The following NPFFR1 variants were observed in gnomAD, a reference collection of about 807,000 sequenced individuals.
NPFFR1 encodes G-protein coupled receptor 147.
A neutral mutation model predicts 12.7 loss-of-function variants in NPFFR1; 17 were observed. That is an observed-to-expected ratio of 1.34 (90% CI 0.92 to 2.01). The LOEUF (loss-of-function observed/expected upper bound fraction) is 2.01, where lower values mean the gene tolerates loss of function less well. Among genes scored for constraint, NPFFR1 ranks in the 30% most tolerant of loss-of-function variants. The probability of loss-of-function intolerance (pLI) is 0.00; values close to 1 mark genes in which losing one functional copy is unlikely to be tolerated. For synonymous variants in NPFFR1, 296 were observed against 264.5 expected (o/e 1.12, Z -1.16); for missense variants, 604 against 606.5 (o/e 1.00, Z 0.04).
intron 1 of NPFFR1, among the ~76,000 whole-genome samples, chr10:70,274,511 T>C (rs1564597221): frequency 6.6e-6 from 1 of 152,082 alleles, no homozygotes. Flanking sequence ...GAGGAGAAGC[T>C]TGGGAACTTG....
intron 1 of NPFFR1, among the ~76,000 whole-genome samples, chr10:70,273,222 G>C (rs1840767767): frequency 6.6e-6 from 1 of 152,046 alleles, no homozygotes. Flanking sequence ...GCAGGGGATG[G>C]GGTTGTTCAG....
At chr10:70,269,086 T>A (rs999811850) in intron 1 of NPFFR1, among the ~76,000 whole-genome samples, 1 of 152,216 alleles carries the variant, frequency 6.6e-6, no homozygotes, top group Admixed American at 6.5e-5. Context: ...TGGATTTTTC[T>A]GATTGCTCCC....
chr10:70,266,993 C>G (rs1199963089), intron 1 of NPFFR1, among the ~76,000 whole-genome samples: 1 of 152,204 alleles, frequency 6.6e-6, no homozygotes, highest in Non-Finnish European at 1.5e-5. Flanking sequence ...GTTGTGAGTC[C>G]CTGGGTGCTT....
rs1840565753 is a variant in NPFFR1 at position 70,255,842 on chromosome 10, G to C, written c.423-15C>G. On this transcript the variant is annotated splice_polypyrimidine_tract_variant and intron_variant, in intron 3 of 3. Transcript: ENST00000277942. This position sits in a 1 kb window ranked among gnomAD's most constrained non-coding sequence, Gnocchi z 4.2. ...TGCAGCGGAACCTGCCGCGGGGAGA[G>C]AGACAGGCGGGATCTGGGTGGGTCC... is the stretch of plus-strand genomic sequence containing the variant. The C allele has an allele frequency of 6.3e-7, 1 of 1,597,014 alleles. No individual in the cohort carries two copies. Among genetic ancestry groups the C allele is most frequent in the Non-Finnish European group, 8.5e-7 (1 of 1,171,686 alleles).
chr10:70,271,427 C>T lies in NPFFR1; in HGVS notation c.8-5036G>A, dbSNP rs1463088376. On this transcript the variant is annotated intron_variant, in intron 1 of 3. Coordinates refer to ENST00000277942, the MANE Select transcript of NPFFR1 (RefSeq NM_022146.5). ...ACTCTGGAGGTTGAGGTGGGAGGATCGCTTGAGCCTGAGAAGTCAAGGCTG... is the reference window on the plus strand; with the variant it reads ...ACTCTGGAGGTTGAGGTGGGAGGATTGCTTGAGCCTGAGAAGTCAAGGCTG... 3.9e-5 allele frequency among the ~76,000 whole-genome samples: 6 copies of T among 152,042 alleles called. No homozygotes were observed. In the East Asian group the frequency reaches 7.7e-4, roughly 20 times the overall value.
In NPFFR1 at chr10:70,254,744, C is replaced by A. The variant is rs1230561027; in HGVS notation, c.*213G>T. On this transcript the variant is annotated 3_prime_UTR_variant, in exon 4 of 4. Coordinates refer to ENST00000277942, the MANE Select transcript of NPFFR1 (RefSeq NM_022146.5). ...GATGATGTTTGTCAAGCCCACCACA[C>A]AGGGCAAGTTGGTTCCTTCCCGTCC... 19 of 452,496 alleles carry A rather than the reference C, an allele frequency of 4.2e-5. No individual in the cohort carries two copies. The highest frequency in any genetic ancestry group is 6.6e-5 in the Non-Finnish European group (18 of 271,780). 28.0% of individuals were successfully genotyped at this position (452,496 alleles called of 1,614,324 possible). A position where few individuals can be genotyped will look rare whatever the true frequency, so the allele number is the denominator to read the frequency against.
chr10:70,261,038 T>C (rs1840628251), intron 2 of NPFFR1, among the ~76,000 whole-genome samples: 2 of 152,132 alleles, frequency 1.3e-5, no homozygotes, highest in African/African-American at 4.8e-5. Flanking sequence ...AACCTGTGTA[T>C]AGAAAAAGGC....
At chr10:70,261,359 A>G (rs528375453) in intron 2 of NPFFR1, among the ~76,000 whole-genome samples, 15 of 152,298 alleles carry the variant, frequency 9.8e-5, no homozygotes, top group African/African-American at 3.6e-4. Context: ...ATCCCTGCAG[A>G]ACTGTGAGTC....
At chr10:70,274,206 T>G (rs1462574150) in intron 1 of NPFFR1, among the ~76,000 whole-genome samples, 1 of 151,786 alleles carries the variant, frequency 6.6e-6, no homozygotes, top group Non-Finnish European at 1.5e-5. Context: ...TCCCAGCACT[T>G]TGGGAGATGG....
chr10:70,266,414 G>T (rs764242277), intron 1 of NPFFR1, 23 bp from the exon 2 acceptor site: 2 of 1,578,810 alleles, frequency 1.3e-6, no homozygotes, highest in Non-Finnish European at 1.7e-6. Flanking sequence ...GAATATATTG[G>T]TCAGGACCTT....
intron 1 of NPFFR1, among the ~76,000 whole-genome samples, chr10:70,278,144 A>G (rs1840823684): frequency 6.6e-6 from 1 of 151,950 alleles, no homozygotes; most frequent in Admixed American, 6.5e-5. Flanking sequence ...TCTTACTGCA[A>G]CCTTCCCTCA....
Position 70,253,543 on chromosome 10 carries a change from C to T in NPFFR1, c.*1414G>A, listed in dbSNP as rs1405634530. 1.3e-5 allele frequency: 2 copies of T among 152,164 alleles called. No individual in the cohort carries two copies. Among genetic ancestry groups the T allele is most frequent in the East Asian group, 3.9e-4 (2 of 5,190 alleles). 9.4% of individuals were successfully genotyped at this position (152,164 alleles called of 1,614,324 possible). On this transcript the variant is annotated 3_prime_UTR_variant, in exon 4 of 4. Coordinates refer to ENST00000277942, the MANE Select transcript of NPFFR1 (RefSeq NM_022146.5). The stretch of plus-strand genomic sequence containing the variant: ...GATTAAATGAGACGGTGTCTGGGGA[C>T]ATGCTTGGAGAATGTATTGTACAAC...
chr10:70,267,018 G>T (rs935201877), intron 1 of NPFFR1, among the ~76,000 whole-genome samples: 4 of 152,114 alleles, frequency 2.6e-5, no homozygotes, highest in Admixed American at 6.6e-5. Flanking sequence ...GTTTCTGGCT[G>T]GTTCTCTTAA....
At position 70,248,489 on chromosome 10, in the gene NPFFR1, T is replaced by TTTTTTTTTTTTTTTTTTG. The variant is rs1840477391; in HGVS notation, c.*6467_*6468insCAAAAAAAAAAAAAAAAA. Reference sequence around the variant, plus strand: ...GGCGTTTTTTTTTTGTTTTTTGTTTTTTTTTTTTTTTTTTGAGATGGAGTC... The same window carrying TTTTTTTTTTTTTTTTTTG: ...GGCGTTTTTTTTTTGTTTTTTGTTTTTTTTTTTTTTTTTTTTTGTTTTTTTTTTTTTTGAGATGGAGTC... On this transcript the variant is annotated 3_prime_UTR_variant, in exon 4 of 4. Transcript: ENST00000277942. 3 of 113,878 alleles carry TTTTTTTTTTTTTTTTTTG rather than the reference T, an allele frequency of 2.6e-5. No individual in the cohort carries two copies. Among genetic ancestry groups the TTTTTTTTTTTTTTTTTTG allele is most frequent in the South Asian group, 3.2e-4 (1 of 3,174 alleles). 7.1% of individuals were successfully genotyped at this position (113,878 alleles called of 1,614,324 possible).
At chr10:70,257,478 T>C (rs1251654038) in intron 3 of NPFFR1, among the ~76,000 whole-genome samples, 1 of 152,244 alleles carries the variant, frequency 6.6e-6, no homozygotes, top group Non-Finnish European at 1.5e-5. Flanking sequence ...GTCATCGCCA[T>C]TCTCTAGTGT....
In NPFFR1 at chr10:70,255,902, G is replaced by C. The variant is rs1589908930; in HGVS notation, c.423-75C>G. The C allele has an allele frequency of 6.8e-7, 1 of 1,463,298 alleles. No homozygotes were observed. The highest frequency in any genetic ancestry group is 9.2e-7 in the Non-Finnish European group (1 of 1,084,994). The allele number at this position is 1,463,298 out of a possible 1,614,324, so 90.6% of individuals were successfully genotyped here. On this transcript the variant is annotated intron_variant, in intron 3 of 3. Transcript: ENST00000277942. The surrounding 1 kb of genome is among the most constrained non-coding windows in gnomAD (Gnocchi z 4.2). ...TGCGAGGGGACGGTGGGTGGGATGC[G>C]GGCACCTGACCTTCATCATCGCATC...
chr10:70,266,065 G>T lies in NPFFR1; in HGVS notation c.322+12C>A. On this transcript the variant is annotated intron_variant, in intron 2 of 3. Coordinates refer to ENST00000277942, the MANE Select transcript of NPFFR1 (RefSeq NM_022146.5). ...GTAGGGGACACTCCTGCTGCCAACTGCCCGCACTCACCAGTGATGAGGTTG... is the reference window on the plus strand; with the variant it reads ...GTAGGGGACACTCCTGCTGCCAACTTCCCGCACTCACCAGTGATGAGGTTG... 1 of 1,611,144 alleles carries T rather than the reference G, an allele frequency of 6.2e-7. No individual in the cohort carries two copies. The highest frequency in any genetic ancestry group is 8.5e-7 in the Non-Finnish European group (1 of 1,178,144).
intron 2 of NPFFR1, 94 bp downstream of exon 2, chr10:70,265,983 T>G (rs1840684901): frequency 9.8e-6 from 12 of 1,220,554 alleles, no homozygotes; most frequent in African/African-American, 1.5e-5. Context: ...AGCCCAGCAA[T>G]GATATCTGTC....
At chr10:70,261,853 C>A (rs1477834230) in intron 2 of NPFFR1, among the ~76,000 whole-genome samples, 1 of 152,182 alleles carries the variant, frequency 6.6e-6, no homozygotes, top group Non-Finnish European at 1.5e-5. Context: ...GTGATCATGG[C>A]TCACTGCAGC....
Sources: gnomAD v4.1 joint callset for allele counts (sites outside exome capture counted in the v4.1 genomes callset) on GRCh38, gnomAD v4.1.1 for gene constraint, Gnocchi (gnomAD v3.1) non-coding constraint, MANE v1.5 for transcripts, NCBI Gene and HGNC (gene_info 2026-07-23, HGNC 2026-07-21) for gene names.